Variants in AUTS2 observed in about 807,000 individuals in gnomAD.
AUTS2 encodes the protein activator of transcription and developmental regulator AUTS2.
Under a neutral mutation model 112.4 loss-of-function variants are expected in AUTS2, and 17 were observed. The ratio of observed to expected loss-of-function variants is 0.15; its 90% CI spans 0.10 to 0.23. The LOEUF is 0.23. Among genes scored for constraint, AUTS2 ranks in the 10% least tolerant of loss-of-function variants. AUTS2 has a pLI of 1.00. For missense variants in AUTS2, 1,510 were observed against 1,701.6 expected (o/e 0.89, Z 1.98); for synonymous variants, 751 against 702.7 (o/e 1.07, Z -1.09).
At chr7:70,537,713 G>A (rs1450003321) in intron 5 of AUTS2, among the ~76,000 whole-genome samples, 4 of 152,182 alleles carry the variant, frequency 2.6e-5, no homozygotes, top group Non-Finnish European at 5.9e-5. Context: ...AAATCAAGCG[G>A]TGGTCTACTG....
At chr7:69,913,032 A>G (rs1795428214) in intron 2 of AUTS2, among the ~76,000 whole-genome samples, 1 of 152,202 alleles carries the variant, frequency 6.6e-6, no homozygotes, top group Non-Finnish European at 1.5e-5. Flanking sequence ...TCCTGCTGCA[A>G]TGTACCTTCC....
chr7:70,069,725 G>A lies in AUTS2; in HGVS notation c.523-48407G>A, dbSNP rs185544022. ...TTTTTTTTGTTTTTTTTTTTTTCCTGTCCAGAGACACCTTATTAATGACTT... is the reference window on the plus strand; with the variant it reads ...TTTTTTTTGTTTTTTTTTTTTTCCTATCCAGAGACACCTTATTAATGACTT... On this transcript the variant is annotated intron_variant, in intron 2 of 18. Transcript: ENST00000342771. 6.0e-4 allele frequency among the ~76,000 whole-genome samples: 72 copies of A among 120,778 alleles called. 1 individual carries two copies. Among genetic ancestry groups the A allele is most frequent in the African/African-American group, 2.2e-3 (70 of 31,292 alleles). The allele number at this position is 120,778 out of a possible 152,430, so 79.2% of individuals were successfully genotyped here. A position where few individuals can be genotyped will look rare whatever the true frequency, so the allele number is the denominator to read the frequency against.
chr7:70,068,298 C>T (rs1273488217), intron 2 of AUTS2, among the ~76,000 whole-genome samples: 1 of 151,674 alleles, frequency 6.6e-6, no homozygotes, highest in Non-Finnish European at 1.5e-5. Context: ...CTGCCTCAGC[C>T]TCCTGAGTAG....
intron 4 of AUTS2, among the ~76,000 whole-genome samples, chr7:70,392,268 T>A (rs1383526289): frequency 2.0e-5 from 3 of 152,186 alleles, no homozygotes; most frequent in Non-Finnish European, 4.4e-5. Context: ...ACTCAGTTTT[T>A]TCTAAGGAAT....
At chr7:69,940,885 T>G (rs1263953328) in intron 2 of AUTS2, among the ~76,000 whole-genome samples, 1 of 152,126 alleles carries the variant, frequency 6.6e-6, no homozygotes, top group South Asian at 2.1e-4. Flanking sequence ...CCAGTAACAA[T>G]GCCTATGTTA....
At chr7:69,995,547 T>C (rs1244653482) in intron 2 of AUTS2, among the ~76,000 whole-genome samples, 1 of 152,212 alleles carries the variant, frequency 6.6e-6, no homozygotes, top group Admixed American at 6.5e-5. Context: ...CTTTCTGTGA[T>C]ACTTAATACT....
rs760700943 is a variant in AUTS2 at position 70,631,171 on chromosome 7, C to G, written c.691-67398C>G. 6.6e-6 allele frequency among the ~76,000 whole-genome samples: 1 copy of G among 152,184 alleles called. No homozygotes were observed. The highest frequency in any genetic ancestry group is 1.5e-5 in the Non-Finnish European group (1 of 68,042). ...ATGACAAACTGCCAGCCAGCTCCCA[C>G]AAAAGCACGATTAAAATGTCAGCAC... is the stretch of plus-strand genomic sequence containing the variant. On this transcript the variant is annotated intron_variant, in intron 5 of 18. Transcript: ENST00000342771. This position sits in a 1 kb window ranked among gnomAD's most constrained non-coding sequence, Gnocchi z 4.5.
At chr7:70,785,044 C>A in intron 16 of AUTS2, 25 bp downstream of exon 16, 2 of 1,611,332 alleles carry the variant, frequency 1.2e-6, no homozygotes, top group South Asian at 1.1e-5. Flanking sequence ...ATAATGGGAA[C>A]TGAGATGTGT....
intron 13 of AUTS2, 40 bp downstream of exon 13, chr7:70,775,426 T>G (rs1385922772): frequency 6.5e-7 from 1 of 1,542,522 alleles, no homozygotes; most frequent in Non-Finnish European, 8.9e-7. Flanking sequence ...CAACCTCTAT[T>G]TGACTCCCTG....
chr7:70,757,650 T>G (rs950956381), intron 6 of AUTS2, among the ~76,000 whole-genome samples: 2 of 151,960 alleles, frequency 1.3e-5, no homozygotes, highest in Non-Finnish European at 2.9e-5. Flanking sequence ...TATTTTCAAA[T>G]TTATTACACA....
intron 5 of AUTS2, among the ~76,000 whole-genome samples, chr7:70,620,886 T>C (rs1804635435): frequency 6.6e-6 from 1 of 152,082 alleles, no homozygotes; most frequent in South Asian, 2.1e-4. Context: ...CTGGGACGTT[T>C]TGGAGGAGGG....
chr7:70,012,855 A>G (rs1384900998), intron 2 of AUTS2, among the ~76,000 whole-genome samples: 1 of 152,236 alleles, frequency 6.6e-6, no homozygotes, highest in Non-Finnish European at 1.5e-5. Flanking sequence ...TTATCAGTGA[A>G]AAAGATAAAT....
chr7:69,819,697 C>T (rs1325985576), intron 1 of AUTS2, among the ~76,000 whole-genome samples: 1 of 152,160 alleles, frequency 6.6e-6, no homozygotes, highest in Non-Finnish European at 1.5e-5. Flanking sequence ...GGCTCACTTC[C>T]GCCTTGACGT....
intron 5 of AUTS2, among the ~76,000 whole-genome samples, chr7:70,491,439 T>C (rs1011868130): frequency 1.3e-4 from 18 of 136,644 alleles, no homozygotes; most frequent in Admixed American, 3.7e-4. Flanking sequence ...CACACACACA[T>C]ATATACACAT....
intron 4 of AUTS2, among the ~76,000 whole-genome samples, chr7:70,344,502 T>C (rs1791407892): frequency 6.6e-6 from 1 of 152,180 alleles, no homozygotes; most frequent in Non-Finnish European, 1.5e-5. Flanking sequence ...GAGAAGGCCA[T>C]GAGAACTGGA....
intron 2 of AUTS2, among the ~76,000 whole-genome samples, chr7:70,098,413 G>T (rs2129568941): frequency 6.6e-6 from 1 of 152,256 alleles, no homozygotes; most frequent in East Asian, 1.9e-4. Context: ...GCCCTTGCGG[G>T]GCTGGGAGTC....
chr7:69,878,146 G>A (rs1485360489), intron 1 of AUTS2, among the ~76,000 whole-genome samples: 2 of 152,120 alleles, frequency 1.3e-5, no homozygotes, highest in South Asian at 2.1e-4. Context: ...AGAGGATGGT[G>A]GTGGCAGGTA....
intron 5 of AUTS2, among the ~76,000 whole-genome samples, chr7:70,678,719 C>G (rs1808055321): frequency 6.6e-6 from 1 of 152,206 alleles, no homozygotes; most frequent in Non-Finnish European, 1.5e-5. Context: ...GCCTTAGGCT[C>G]ACCACCAAAG....
chr7:70,465,965 C>T (rs1012819129), intron 5 of AUTS2, among the ~76,000 whole-genome samples: 2 of 152,080 alleles, frequency 1.3e-5, no homozygotes, highest in Non-Finnish European at 2.9e-5. Context: ...AAGTCTCGGG[C>T]AGAAGGTGGG....
Sources: gnomAD v4.1 joint callset for allele counts (sites outside exome capture counted in the v4.1 genomes callset) on GRCh38, gnomAD v4.1.1 for gene constraint, Gnocchi (gnomAD v3.1) non-coding constraint, MANE v1.5 for transcripts, NCBI Gene and HGNC (gene_info 2026-07-23, HGNC 2026-07-21) for gene names.